Variants in HTT observed in about 807,000 individuals in gnomAD.
HTT encodes the protein huntingtin, also known as huntington disease protein.
Under a neutral mutation model 362.3 loss-of-function variants are expected in HTT, and 104 were observed. The observed-to-expected ratio is 0.29, with a 90% CI of 0.24 to 0.34. The LOEUF (loss-of-function observed/expected upper bound fraction) is 0.34. Ranked by LOEUF, HTT falls within the 10% of genes least tolerant of loss-of-function variation. The pLI is 1.00. For synonymous variants in HTT, 1,577 were observed against 1,548.7 expected, an observed-to-expected ratio of 1.02 and a Z score of -0.43; for missense variants, 3,301 against 3,928.6, an observed-to-expected ratio of 0.84 and a Z score of 4.27.
intron 6 of HTT, 24 bp downstream of exon 6, chr4:3,107,447 A>G (rs749315557): frequency 6.2e-7 from 1 of 1,613,386 alleles, no homozygotes; most frequent in Non-Finnish European, 8.5e-7. Context: ...CTCAGGTCAC[A>G]AACATGCGAG....
Position 3,099,909 on chromosome 4 carries a change from G to A in HTT, c.468+515G>A, listed in dbSNP as rs189750019. Among the ~76,000 whole-genome samples, 17 of 151,888 alleles carry A rather than the reference G, an allele frequency of 1.1e-4. 2 individuals are homozygous for A. The East Asian group carries it at 3.1e-3, about 28-fold the overall frequency. ...GAGGTGCTCTGTTGTATGGTTTGGA[G>A]GTGCTCTGTTGTATGGTTTGGAGGT... On this transcript the variant is annotated intron_variant, in intron 3 of 66. Transcript: ENST00000355072.
At chr4:3,118,638 C>T (rs978931304) in intron 8 of HTT, among the ~76,000 whole-genome samples, 1 of 152,120 alleles carries the variant, frequency 6.6e-6, no homozygotes, top group South Asian at 2.1e-4. Context: ...GTGCTGGTTA[C>T]GGAGGTTTCT....
At position 3,173,018 on chromosome 4, in the gene HTT, G is replaced by A. The variant is rs749359583; in HGVS notation, c.4053G>A (p.Arg1351=). ...AGCGCCTTGGCTCCTCCAGTGTGAG[G>A]CCAGGCTTGTACCACTACTGCTTCA... The part of the protein sequence containing the change: ...RAQRLGSSSV[R]PGLYHYCFMA... The change falls in exon 31 of 67, where the codon AGG becomes AGA. Residue 1351 remains arginine (R), a synonymous_variant. Coordinates refer to ENST00000355072, the MANE Select transcript of HTT (RefSeq NM_001388492.1). The A allele has an allele frequency of 3.1e-6, 5 of 1,614,152 alleles. No homozygotes were observed. In the South Asian group the frequency reaches 5.5e-5, roughly 18 times the overall value.
intron 15 of HTT, 76 bp downstream of exon 15, chr4:3,131,473 C>G (rs922695630): frequency 1.2e-5 from 17 of 1,462,400 alleles, no homozygotes; most frequent in Non-Finnish European, 1.4e-5. Flanking sequence ...CCTGTTTTTG[C>G]CTTGCGTGCA....
chr4:3,138,705 C>T (rs1716200030), intron 21 of HTT, among the ~76,000 whole-genome samples: 1 of 152,080 alleles, frequency 6.6e-6, no homozygotes, highest in Non-Finnish European at 1.5e-5. Context: ...TCTCTGCCTC[C>T]CAGGTTCAAG....
At chr4:3,123,055 T>C in intron 10 of HTT, 119 bp downstream of exon 10, 1 of 635,822 alleles carries the variant, frequency 1.6e-6, no homozygotes, top group Non-Finnish European at 2.6e-6. Flanking sequence ...ATATCTCTTC[T>C]CAGATGAGTG....
chr4:3,238,527 A>C lies in HTT; in HGVS notation c.8972A>C (p.Gln2991Pro). The change falls in exon 65 of 67, where the codon CAG (glutamine) becomes CCG (proline). Residue 2991 changes from glutamine to proline, a missense_variant. Around this residue, in one of 4 missense-constraint regions of HTT, gnomAD observed 753 missense variants for 1,021.3 expected, o/e 0.74. Coordinates refer to ENST00000355072, the MANE Select transcript of HTT (RefSeq NM_001388492.1). ...PQFLDDFFPP[Q>P]DIMNKVIGEF... ...TTTCTAGACGACTTCTTCCCACCCC[A>C]GGACATCATGAACAAAGTCATCGGA... The C allele has an allele frequency of 6.2e-7, 1 of 1,613,320 alleles. No individual in the cohort carries two copies. Among genetic ancestry groups the C allele is most frequent in the Non-Finnish European group, 8.5e-7 (1 of 1,179,632 alleles).
chr4:3,115,200 T>G, intron 6 of HTT, 104 bp from the exon 7 acceptor site: 2 of 1,203,602 alleles, frequency 1.7e-6, no homozygotes, highest in Non-Finnish European at 2.3e-6. Context: ...CTGTTTATAC[T>G]TTGCAAGAAT....
At chr4:3,093,885 T>C (rs1048660646) in intron 2 of HTT, among the ~76,000 whole-genome samples, 14 of 140,694 alleles carry the variant, frequency 1.0e-4, no homozygotes, top group Non-Finnish European at 1.5e-5. Context: ...TTTTAAGATA[T>C]CATTTACCCC....
chr4:3,105,006 A>G (rs1417784900), intron 4 of HTT, among the ~76,000 whole-genome samples: 1 of 152,170 alleles, frequency 6.6e-6, no homozygotes, highest in East Asian at 1.9e-4. Flanking sequence ...TTGGGCCCTT[A>G]TTTCCATCAC....
intron 57 of HTT, among the ~76,000 whole-genome samples, chr4:3,226,415 G>A (rs1231990516): frequency 6.6e-6 from 1 of 152,122 alleles, no homozygotes; most frequent in Non-Finnish European, 1.5e-5. Context: ...AGGCTGCAGT[G>A]AGCCATGATT....
intron 3 of HTT, 126 bp from the exon 4 acceptor site, chr4:3,103,698 A>G (rs1714273145): frequency 1.5e-6 from 1 of 653,580 alleles, no homozygotes; most frequent in Non-Finnish European, 2.8e-6. Flanking sequence ...CTTAATGAAT[A>G]TATTCTTAAT....
intron 1 of HTT, 28 bp from the exon 2 acceptor site, chr4:3,086,911 T>C (rs747928082): frequency 9.7e-6 from 13 of 1,337,174 alleles, no homozygotes; most frequent in African/African-American, 5.8e-5. Context: ...TCAACACATA[T>C]TAATTTCCTT....
At chr4:3,153,482 C>T (rs1322789090) in intron 26 of HTT, among the ~76,000 whole-genome samples, 1 of 152,168 alleles carries the variant, frequency 6.6e-6, no homozygotes, top group Non-Finnish European at 1.5e-5. Context: ...GTTCTATATG[C>T]TCTCATGTGT....
Position 3,235,102 on chromosome 4 carries a change from T to C in HTT, c.8457-182T>C, listed in dbSNP as rs531099404. 1.3e-4 allele frequency among the ~76,000 whole-genome samples: 19 copies of C among 151,660 alleles called. No homozygotes were observed. The South Asian group carries it at 3.3e-3, about 27-fold the overall frequency. ...ACGGGCTCAGCCACTCAGGGAGTGG[T>C]CAAGCAGAGGCTGAAGGGTCAGGCC... On this transcript the variant is annotated intron_variant, in intron 61 of 66. Transcript: ENST00000355072.
chr4:3,125,907 G>T (rs2110182523), intron 11 of HTT, among the ~76,000 whole-genome samples: 1 of 152,300 alleles, frequency 6.6e-6, no homozygotes, highest in Admixed American at 6.5e-5. Context: ...AGTAGGGGAT[G>T]GCAGGTCGAA....
chr4:3,104,296 G>A (rs554306202), intron 4 of HTT, among the ~76,000 whole-genome samples: 2 of 151,886 alleles, frequency 1.3e-5, no homozygotes, highest in Admixed American at 1.3e-4. Flanking sequence ...ACTGTGCCGG[G>A]CCTGATTGTA....
intron 9 of HTT, among the ~76,000 whole-genome samples, chr4:3,121,972 C>T (rs944767846): frequency 2.0e-5 from 3 of 152,210 alleles, no homozygotes; most frequent in Non-Finnish European, 4.4e-5. Flanking sequence ...GCCTTGGCTG[C>T]CTCCTGTGGC....
chr4:3,201,529 C>CAAAAAAAAA (rs925357780), intron 41 of HTT, among the ~76,000 whole-genome samples: 1 of 61,690 alleles, frequency 1.6e-5, no homozygotes. Context: ...GACTCCATCT[C>CAAAAAAAAA]AAAAAAAAAA....
Sources: gnomAD v4.1 joint callset for allele counts (sites outside exome capture counted in the v4.1 genomes callset) on GRCh38, gnomAD v4.1.1 for gene constraint, gnomAD v4.1.1 regional missense constraint, MANE v1.5 for transcripts, NCBI Gene and HGNC (gene_info 2026-07-23, HGNC 2026-07-21) for gene names.